Variants in S100A10 observed in about 807,000 individuals in gnomAD.
S100A10 encodes the protein S100 calcium binding protein A10.
A neutral mutation model predicts 7.1 loss-of-function variants in S100A10; 3 were observed. The ratio of observed to expected loss-of-function variants is 0.42; its 90% CI spans 0.19 to 1.10. S100A10 has a LOEUF of 1.10. Among genes scored for constraint, S100A10 ranks in the 50% least tolerant of loss-of-function variants. S100A10 has a pLI of 0.29. For missense variants in S100A10, 101 were observed against 118.1 expected, an observed-to-expected ratio of 0.86 and a Z score of 0.67; for synonymous variants, 41 against 39.3, an observed-to-expected ratio of 1.04 and a Z score of -0.16.
At chr1:151,991,816 C>T (rs1655911410) in intron 1 of S100A10, among the ~76,000 whole-genome samples, 1 of 152,176 alleles carries the variant, frequency 6.6e-6, no homozygotes, top group African/African-American at 2.4e-5. Flanking sequence ...CAGTAGAAAG[C>T]AGGGAGGCAC....
chr1:151,989,305 C>A (rs1376502916), intron 1 of S100A10, among the ~76,000 whole-genome samples: 1 of 152,146 alleles, frequency 6.6e-6, no homozygotes, highest in Non-Finnish European at 1.5e-5. Context: ...AAGTTACATC[C>A]TTCTCCCACT....
intron 1 of S100A10, among the ~76,000 whole-genome samples, chr1:151,988,512 T>C (rs961112388): frequency 2.6e-5 from 4 of 152,126 alleles, no homozygotes; most frequent in African/African-American, 4.8e-5. Context: ...AACATGAGGA[T>C]TGAGCAATTA....
chr1:151,986,446 A>C (rs1367945818), intron 1 of S100A10, among the ~76,000 whole-genome samples, 195 bp from the exon 2 acceptor site: 4 of 152,230 alleles, frequency 2.6e-5, no homozygotes, highest in South Asian at 2.1e-4. Context: ...CATAGTTAGC[A>C]CTTCTGTGGT....
intron 1 of S100A10, among the ~76,000 whole-genome samples, chr1:151,987,166 G>A (rs935853353): frequency 4.7e-5 from 7 of 150,072 alleles, no homozygotes; most frequent in Admixed American, 1.3e-4. Flanking sequence ...CACCATGTCC[G>A]GCTAATTTTT....
At chr1:151,987,296 G>A (rs906616919) in intron 1 of S100A10, among the ~76,000 whole-genome samples, 10 of 150,580 alleles carry the variant, frequency 6.6e-5, no homozygotes, top group African/African-American at 2.2e-4. Flanking sequence ...CACTGCGCCC[G>A]GCCCAGTGTT....
intron 1 of S100A10, among the ~76,000 whole-genome samples, chr1:151,989,768 T>C (rs188205657): frequency 1.3e-5 from 2 of 152,340 alleles, no homozygotes; most frequent in East Asian, 3.9e-4. Context: ...ACTGAAGTTC[T>C]TCAGGGACTT....
Position 151,983,181 on chromosome 1 carries a change from C to T in S100A10, c.276G>A (p.Lys92=), listed in dbSNP as rs1228982223. The T allele has an allele frequency of 6.3e-7, 1 of 1,584,210 alleles. No individual in the cohort carries two copies. Reference sequence around the variant, plus strand: ...TTTCTGCCTACTTCTTTCCCTTCTGCTTCATGTGTACTACAAAATAGTCAT... The same window carrying T: ...TTTCTGCCTACTTCTTTCCCTTCTGTTTCATGTGTACTACAAAATAGTCAT... ...ACNDYFVVHM[K]QKGKK is the part of the protein sequence containing the mutation. The change falls in exon 3 of 3, where the codon AAG becomes AAA. Residue 92 remains lysine (K), a synonymous_variant. Transcript: ENST00000368811.
rs1655892203 is a variant in S100A10 at position 151,990,924 on chromosome 1, A to T, written c.-22+2828T>A. ...AATGATGTATTTTGGTTGTCCTGCG[A>T]GTAGCAGACAAGCAGGAGTCCTCCT... On this transcript the variant is annotated intron_variant, in intron 1 of 2. Coordinates refer to ENST00000368811, the MANE Select transcript of S100A10 (RefSeq NM_002966.3). 2.6e-5 allele frequency among the ~76,000 whole-genome samples: 4 copies of T among 152,148 alleles called. No individual in the cohort carries two copies. The South Asian group carries it at 8.3e-4, about 32-fold the overall frequency.
chr1:151,983,478 A>AT (rs200402860), intron 2 of S100A10, among the ~76,000 whole-genome samples, 154 bp from the exon 3 acceptor site: 35,904 of 137,774 alleles, frequency 0.26, 5,198 homozygotes, highest in South Asian at 0.55. Flanking sequence ...ATCTAAATGT[A>AT]TTTTTTTTTT....
chr1:151,987,127 C>T (rs1655809692), intron 1 of S100A10, among the ~76,000 whole-genome samples: 2 of 147,652 alleles, frequency 1.4e-5, no homozygotes, highest in South Asian at 2.2e-4. Context: ...ACCTCCGCCT[C>T]CCAGGTAGCT....
At chr1:151,984,928 G>A (rs1009744191) in intron 2 of S100A10, among the ~76,000 whole-genome samples, 2 of 152,176 alleles carry the variant, frequency 1.3e-5, no homozygotes, top group South Asian at 2.1e-4. Flanking sequence ...TATATCACAG[G>A]ACTCTACAAA....
At chr1:151,988,198 T>G (rs551603135) in intron 1 of S100A10, among the ~76,000 whole-genome samples, 2 of 152,334 alleles carry the variant, frequency 1.3e-5, no homozygotes, top group East Asian at 3.9e-4. Flanking sequence ...TCAGTGAATT[T>G]TGGCTTAATT....
chr1:151,991,575 CT>C (rs1408374418), intron 1 of S100A10, among the ~76,000 whole-genome samples: 6 of 152,166 alleles, frequency 3.9e-5, no homozygotes, highest in Admixed American at 3.9e-4. Context: ...TACATTCTTT[CT>C]TTTTGCTTTT....
chr1:151,988,082 A>G (rs1335300165), intron 1 of S100A10, among the ~76,000 whole-genome samples: 4 of 152,212 alleles, frequency 2.6e-5, no homozygotes, highest in Non-Finnish European at 5.9e-5. Flanking sequence ...TTCATCATGA[A>G]GCGTTTATAA....
chr1:151,990,491 C>T (rs539076587), intron 1 of S100A10, among the ~76,000 whole-genome samples: 1 of 152,328 alleles, frequency 6.6e-6, no homozygotes, highest in Admixed American at 6.5e-5. Context: ...ACATGTTTGT[C>T]TGAGCAACAG....
Position 151,983,236 on chromosome 1 carries a change from G to T in S100A10, c.221C>A (p.Ser74Tyr). The change falls in exon 3 of 3, where the codon TCC (serine) becomes TAC (tyrosine). Residue 74 changes from serine to tyrosine, a missense_variant. By Grantham distance (144) the Ser-to-Tyr change is moderately radical. Coordinates refer to ENST00000368811, the MANE Select transcript of S100A10 (RefSeq NM_002966.3). ...TGCAATGGTGAGGCCCGCAATTAGGGAAAAGAAGCTCTGGAAGCCCACTTT... is the reference window on the plus strand; with the variant it reads ...TGCAATGGTGAGGCCCGCAATTAGGTAAAAGAAGCTCTGGAAGCCCACTTT... The part of the protein sequence containing the change: ...DGKVGFQSFF[S>Y]LIAGLTIACN... The T allele has an allele frequency of 6.2e-7, 1 of 1,606,712 alleles. No homozygotes were observed. The highest frequency in any genetic ancestry group is 8.5e-7 in the Non-Finnish European group (1 of 1,177,166).
At chr1:151,991,426 T>C (rs1414041020) in intron 1 of S100A10, among the ~76,000 whole-genome samples, 1 of 152,222 alleles carries the variant, frequency 6.6e-6, no homozygotes, top group Non-Finnish European at 1.5e-5. Context: ...CATCAATTTT[T>C]CCTTAAAGAA....
intron 1 of S100A10, among the ~76,000 whole-genome samples, chr1:151,987,742 G>A (rs1317100760): frequency 2.0e-5 from 3 of 151,964 alleles, no homozygotes; most frequent in East Asian, 1.9e-4. Context: ...GGGTTTCACC[G>A]TGGTCTCGAT....
chr1:151,990,255 A>T (rs929432963), intron 1 of S100A10, among the ~76,000 whole-genome samples: 7 of 152,354 alleles, frequency 4.6e-5, no homozygotes, highest in East Asian at 1.9e-4. Context: ...TTCCATACGC[A>T]AAAGGAAAAA....
Sources: allele counts gnomAD v4.1 joint callset (sites outside exome capture counted in the v4.1 genomes callset), GRCh38; gene constraint gnomAD v4.1.1; transcripts MANE v1.5; gene names NCBI Gene and HGNC (gene_info 2026-07-23, HGNC 2026-07-21).